The following WWOX variants were observed in gnomAD, a reference collection of about 807,000 sequenced individuals.
WWOX encodes the protein WW domain containing oxidoreductase, also known as WW domain-containing oxidoreductase.
Under a neutral mutation model 46.2 loss-of-function variants are expected in WWOX, and 69 were observed. That is an observed-to-expected ratio of 1.49 (90% CI 1.23 to 1.82). The LOEUF is 1.82. WWOX is among the 40% of genes most tolerant of loss of function. WWOX has a pLI of 0.00. For missense variants in WWOX, 919 were observed against 542.6 expected (o/e 1.69, Z -6.89); for synonymous variants, 359 against 202.6 (o/e 1.77, Z -6.56).
chr16:78,191,490 A>G (rs761832066), intron 5 of WWOX, among the ~76,000 whole-genome samples: 13 of 152,202 alleles, frequency 8.5e-5, no homozygotes, highest in Admixed American at 2.0e-4. Context: ...TATGGTCCCA[A>G]CGTTTTAGGA....
intron 8 of WWOX, among the ~76,000 whole-genome samples, chr16:78,805,218 C>G (rs568615150): frequency 5.3e-5 from 8 of 152,316 alleles, no homozygotes; most frequent in Admixed American, 5.2e-4. Flanking sequence ...GATGAGTTCA[C>G]CACTGCCTCT....
chr16:78,363,348 A>T (rs2081454546), intron 5 of WWOX, among the ~76,000 whole-genome samples: 1 of 151,084 alleles, frequency 6.6e-6, no homozygotes, highest in Non-Finnish European at 1.5e-5. Flanking sequence ...ATGACAGCCC[A>T]CTCCAGCCCC....
chr16:78,196,915 A>G (rs2036071313), intron 5 of WWOX, among the ~76,000 whole-genome samples: 1 of 152,352 alleles, frequency 6.6e-6, no homozygotes, highest in East Asian at 1.9e-4. Context: ...TAAGCATTTT[A>G]AGTGAAGACA....
At chr16:78,875,871 T>G (rs56341534) in intron 8 of WWOX, among the ~76,000 whole-genome samples, 1 of 152,218 alleles carries the variant, frequency 6.6e-6, no homozygotes, top group Non-Finnish European at 1.5e-5. Context: ...TTCCACACTT[T>G]TATTGCTTAG....
chr16:79,010,865 G>A (rs757774201), intron 8 of WWOX, among the ~76,000 whole-genome samples: 4 of 151,980 alleles, frequency 2.6e-5, no homozygotes, highest in South Asian at 2.1e-4. Flanking sequence ...TGAGGAGTGC[G>A]GGAGATGGGA....
At chr16:78,828,536 TATA>T (rs991474652) in intron 8 of WWOX, among the ~76,000 whole-genome samples, 18 of 151,554 alleles carry the variant, frequency 1.2e-4, no homozygotes, top group East Asian at 3.9e-4. Flanking sequence ...TATAATTATA[TATA>T]ATAATAATTT....
At chr16:78,509,713 T>C (rs1207585370) in intron 8 of WWOX, among the ~76,000 whole-genome samples, 1 of 152,158 alleles carries the variant, frequency 6.6e-6, no homozygotes, top group Non-Finnish European at 1.5e-5. Context: ...TTTGTTTATA[T>C]TGTCTTGACT....
At chr16:78,189,366 C>G (rs1448863574) in intron 5 of WWOX, among the ~76,000 whole-genome samples, 1 of 152,200 alleles carries the variant, frequency 6.6e-6, no homozygotes, top group Admixed American at 6.5e-5. Flanking sequence ...CTTTGGTGCT[C>G]TGATGATGTA....
chr16:78,321,518 G>C (rs1341743822), intron 5 of WWOX, among the ~76,000 whole-genome samples: 6 of 151,688 alleles, frequency 4.0e-5, no homozygotes, highest in Non-Finnish European at 8.8e-5. Flanking sequence ...TTCGTAGTCT[G>C]CCACGAGAAT....
intron 5 of WWOX, among the ~76,000 whole-genome samples, chr16:78,269,987 G>T (rs981042686): frequency 8.0e-5 from 11 of 137,918 alleles, no homozygotes; most frequent in Non-Finnish European, 1.7e-4. Flanking sequence ...TTTACAAATT[G>T]GTTTCTGTTT....
chr16:78,765,338 G>A (rs796540827), intron 8 of WWOX, among the ~76,000 whole-genome samples: 19 of 152,290 alleles, frequency 1.2e-4, no homozygotes, highest in African/African-American at 4.3e-4. Context: ...TAGGGTGAGG[G>A]CTTTGCTCTG....
intron 8 of WWOX, among the ~76,000 whole-genome samples, chr16:78,903,063 C>G (rs1005519841): frequency 2.6e-5 from 4 of 152,170 alleles, no homozygotes; most frequent in African/African-American, 4.8e-5. Flanking sequence ...AATGAAGCAA[C>G]AAAAGCTGAG....
chr16:78,104,231 AAC>A (rs376622174), intron 1 of WWOX, among the ~76,000 whole-genome samples: 22,225 of 129,922 alleles, frequency 0.17, 1,967 homozygotes, highest in Middle Eastern at 0.27. Flanking sequence ...CTGTGCTCAA[AAC>A]ACACACACAC....
intron 8 of WWOX, among the ~76,000 whole-genome samples, chr16:79,048,301 G>C (rs935326616): frequency 1.3e-5 from 2 of 152,054 alleles, no homozygotes; most frequent in Non-Finnish European, 2.9e-5. Flanking sequence ...AAGCTCAGAT[G>C]GAAGCCCAGG....
intron 5 of WWOX, among the ~76,000 whole-genome samples, chr16:78,215,323 T>G (rs2098492549): frequency 1.3e-5 from 2 of 152,176 alleles, no homozygotes. Flanking sequence ...AACTGTAATC[T>G]CCATAATCCC....
chr16:79,210,047 T>C (rs1224678819), intron 8 of WWOX, among the ~76,000 whole-genome samples: 1 of 152,174 alleles, frequency 6.6e-6, no homozygotes, highest in Admixed American at 6.5e-5. Flanking sequence ...TCATGTCAGT[T>C]ATTCAAATTC....
intron 8 of WWOX, among the ~76,000 whole-genome samples, chr16:79,023,351 T>C (rs2047573128): frequency 6.6e-6 from 1 of 152,174 alleles, no homozygotes; most frequent in South Asian, 2.1e-4. Flanking sequence ...TTGGTATGAG[T>C]TCTAGGGGGA....
At chr16:78,125,691 A>T (rs560049396) in intron 4 of WWOX, among the ~76,000 whole-genome samples, 1 of 152,288 alleles carries the variant, frequency 6.6e-6, no homozygotes, top group South Asian at 2.1e-4. Flanking sequence ...GCAAGACCCC[A>T]TCTCTACCAA....
At chr16:78,905,281 C>G (rs1244691215) in intron 8 of WWOX, among the ~76,000 whole-genome samples, 2 of 152,154 alleles carry the variant, frequency 1.3e-5, no homozygotes, top group South Asian at 2.1e-4. Context: ...ATATTGAGCC[C>G]ACACATATTT....
Sources: gnomAD v4.1 joint callset for allele counts (sites outside exome capture counted in the v4.1 genomes callset) on GRCh38, gnomAD v4.1.1 for gene constraint, MANE v1.5 for transcripts, NCBI Gene and HGNC (gene_info 2026-07-23, HGNC 2026-07-21) for gene names.